The following SLC71A1 variants were observed in gnomAD, a reference collection of about 807,000 sequenced individuals.
SLC71A1 encodes hippocampus abundant gene transcript 1.
the SLC71A1 span, among the ~76,000 whole-genome samples, chr1:100,047,904 C>T: frequency 6.6e-6 from 1 of 152,028 alleles, no homozygotes; most frequent in African/African-American, 2.4e-5. Context: ...TGCAAGCATG[C>T]TTATTAGAAA....
the SLC71A1 span, chr1:100,049,835 CGTT>C: frequency 6.8e-6 from 5 of 736,108 alleles, no homozygotes; most frequent in Non-Finnish European, 1.2e-5. Flanking sequence ...CTATTAACAT[CGTT>C]GTTATTGTTA....
At chr1:100,066,134 C>G in the SLC71A1 span, among the ~76,000 whole-genome samples, 1 of 152,156 alleles carries the variant, frequency 6.6e-6, no homozygotes, top group Non-Finnish European at 1.5e-5. Context: ...TAGACTTCCT[C>G]AGAGTTTTAG....
chr1:100,058,534 C>T, the SLC71A1 span: 1 of 642,178 alleles, frequency 1.6e-6, no homozygotes, highest in East Asian at 2.6e-5. Flanking sequence ...TGGTCATATG[C>T]ATGTCATACA....
the SLC71A1 span, among the ~76,000 whole-genome samples, chr1:100,046,033 A>G: frequency 6.6e-6 from 1 of 151,960 alleles, no homozygotes; most frequent in Non-Finnish European, 1.5e-5. Context: ...CCTTTTCCCA[A>G]TGTATACTTC....
At chr1:100,070,724 C>T in the SLC71A1 span, among the ~76,000 whole-genome samples, 1 of 152,036 alleles carries the variant, frequency 6.6e-6, no homozygotes, top group Non-Finnish European at 1.5e-5. Context: ...GTGAAAAAGC[C>T]CCACCCCCTT....
At chr1:100,078,650 G>A in the SLC71A1 span, 1 of 809,610 alleles carries the variant, frequency 1.2e-6, no homozygotes, top group African/African-American at 1.7e-5. Context: ...CTTCAGGGTA[G>A]AGACTTTTAA....
chr1:100,064,915 T>A, the SLC71A1 span, among the ~76,000 whole-genome samples: 3 of 151,598 alleles, frequency 2.0e-5, no homozygotes, highest in Non-Finnish European at 4.4e-5. Context: ...AGACAGGGTC[T>A]CACTCTATTG....
the SLC71A1 span, among the ~76,000 whole-genome samples, chr1:100,050,978 G>A: frequency 2.6e-5 from 4 of 151,984 alleles, no homozygotes; most frequent in South Asian, 2.1e-4. Context: ...CCAGCTACTC[G>A]GGAGGCTAAG....
At chr1:100,069,780 CAA>C in the SLC71A1 span, 3 of 797,344 alleles carry the variant, frequency 3.8e-6, no homozygotes, top group Non-Finnish European at 6.6e-6. Context: ...GTGGAATCAA[CAA>C]AGTCAGGAGT....
the SLC71A1 span, among the ~76,000 whole-genome samples, chr1:100,041,650 G>A: frequency 1.3e-5 from 2 of 152,138 alleles, no homozygotes; most frequent in Non-Finnish European, 2.9e-5. Context: ...TAGGCCAGGG[G>A]CAGTGGCTCA....
chr1:100,062,090 C>G, the SLC71A1 span: 1 of 569,676 alleles, frequency 1.8e-6, no homozygotes, highest in East Asian at 3.1e-5. Context: ...ATTCATTAGA[C>G]TACATTTAAA....
At chr1:100,061,971 C>G in the SLC71A1 span, 1 of 1,324,472 alleles carries the variant, frequency 7.6e-7, no homozygotes, top group Non-Finnish European at 1.1e-6. Flanking sequence ...TATTCTATAC[C>G]TTTTGTATCT....
At chr1:100,054,737 A>G in the SLC71A1 span, among the ~76,000 whole-genome samples, 1 of 152,260 alleles carries the variant, frequency 6.6e-6, no homozygotes, top group African/African-American at 2.4e-5. Flanking sequence ...GTTAAGATCC[A>G]TAAAATTTTT....
the SLC71A1 span, among the ~76,000 whole-genome samples, chr1:100,042,221 G>T: frequency 2.0e-5 from 3 of 152,190 alleles, no homozygotes; most frequent in Admixed American, 1.3e-4. Flanking sequence ...AGTGGAAAAT[G>T]TATAGTTCTT....
At chr1:100,042,943 T>A in the SLC71A1 span, 1 of 232,384 alleles carries the variant, frequency 4.3e-6, no homozygotes, top group Non-Finnish European at 7.1e-6. Flanking sequence ...AACATCAGGG[T>A]GTTTATATTG....
the SLC71A1 span, among the ~76,000 whole-genome samples, chr1:100,042,223 A>G: frequency 6.6e-6 from 1 of 152,230 alleles, no homozygotes; most frequent in African/African-American, 2.4e-5. Flanking sequence ...TGGAAAATGT[A>G]TAGTTCTTTC....
At chr1:100,045,257 C>A in the SLC71A1 span, among the ~76,000 whole-genome samples, 2 of 152,078 alleles carry the variant, frequency 1.3e-5, no homozygotes, top group African/African-American at 4.8e-5. Context: ...TTTTTTGCAG[C>A]TATTGTAAAA....
chr1:100,068,269 A>C, the SLC71A1 span: 2 of 1,214,132 alleles, frequency 1.6e-6, no homozygotes, highest in Non-Finnish European at 2.3e-6. Flanking sequence ...TTTGTTGTGG[A>C]TATTTCTTTA....
At chr1:100,066,186 T>C in the SLC71A1 span, among the ~76,000 whole-genome samples, 3 of 152,204 alleles carry the variant, frequency 2.0e-5, no homozygotes, top group African/African-American at 4.8e-5. Context: ...TTCCTAACCC[T>C]GCCAACTAAA....
Sources: gnomAD v4.1 joint callset for allele counts (sites outside exome capture counted in the v4.1 genomes callset) on GRCh38, gnomAD v4.1.1 for gene constraint, MANE v1.5 for transcripts, NCBI Gene and HGNC (gene_info 2026-07-23, HGNC 2026-07-21) for gene names.